The following FNDC3A variants were observed in gnomAD, a reference collection of about 807,000 sequenced individuals.
FNDC3A encodes fibronectin type-III domain-containing protein 3A.
Under a neutral mutation model 148.9 loss-of-function variants are expected in FNDC3A, and 32 were observed. That is an observed-to-expected ratio of 0.21 (90% CI 0.16 to 0.29). The LOEUF (loss-of-function observed/expected upper bound fraction) is 0.29. FNDC3A is among the 10% of genes least tolerant of loss of function. The pLI is 1.00. For synonymous variants in FNDC3A, 472 were observed against 473.6 expected, an observed-to-expected ratio of 1.00 and a Z score of 0.04; for missense variants, 1,191 against 1,452.8, an observed-to-expected ratio of 0.82 and a Z score of 2.93.
intron 14 of FNDC3A, among the ~76,000 whole-genome samples, chr13:49,185,410 T>A (rs919190704): frequency 3.3e-5 from 5 of 152,148 alleles, no homozygotes; most frequent in African/African-American, 1.2e-4. Context: ...GGGACTTCAC[T>A]CACTTTCAGG....
intron 10 of FNDC3A, among the ~76,000 whole-genome samples, chr13:49,169,514 G>A (rs116825327): frequency 0.011 from 1,619 of 152,128 alleles, 17 homozygotes; most frequent in African/African-American, 0.026. Context: ...GGCTATTAGC[G>A]CCCTTGATCT....
At chr13:49,163,528 T>C (rs183762773) in intron 8 of FNDC3A, among the ~76,000 whole-genome samples, 136 of 152,318 alleles carry the variant, frequency 8.9e-4, no homozygotes, top group Admixed American at 1.6e-3. Flanking sequence ...ATTTTCCAGG[T>C]ACCATCTTTC....
chr13:49,081,657 A>G (rs987927555), intron 3 of FNDC3A, among the ~76,000 whole-genome samples: 1 of 152,212 alleles, frequency 6.6e-6, no homozygotes, highest in African/African-American at 2.4e-5. Flanking sequence ...CCTACATCAT[A>G]TATAGTCTCT....
At chr13:49,179,372 C>T (rs546418587) in intron 14 of FNDC3A, among the ~76,000 whole-genome samples, 46 of 152,126 alleles carry the variant, frequency 3.0e-4, no homozygotes, top group Non-Finnish European at 5.4e-4. Context: ...CTACCATATT[C>T]TTCTCATATT....
intron 2 of FNDC3A, among the ~76,000 whole-genome samples, chr13:49,041,441 G>A (rs1299870608): frequency 1.3e-5 from 2 of 152,098 alleles, no homozygotes; most frequent in African/African-American, 4.8e-5. Context: ...ACTGATTGTT[G>A]AATGAATTAA....
intron 2 of FNDC3A, among the ~76,000 whole-genome samples, chr13:49,037,016 G>A (rs964380745): frequency 1.3e-5 from 2 of 152,152 alleles, no homozygotes; most frequent in African/African-American, 4.8e-5. Context: ...GATCAGTATA[G>A]GAAAATATGA....
rs750545896 is a variant in FNDC3A at position 49,097,315 on chromosome 13, TA to T, written c.176-17326del. 3.8e-3 allele frequency among the ~76,000 whole-genome samples: 538 copies of T among 140,780 alleles called. 1 individual carries two copies. Among genetic ancestry groups the T allele is most frequent in the African/African-American group, 8.0e-3 (308 of 38,648 alleles). 92.4% of individuals were successfully genotyped at this position (140,780 alleles called of 152,430 possible). Reference sequence around the variant, plus strand: ...ATATTTCTTTTAGATGATTAGCAGTTAAAAAAAAAAAAAACTTAGAATGAGG... The same window carrying T: ...ATATTTCTTTTAGATGATTAGCAGTTAAAAAAAAAAAAACTTAGAATGAGG... On this transcript the variant is annotated intron_variant, in intron 3 of 25. Coordinates refer to ENST00000492622, the MANE Select transcript of FNDC3A (RefSeq NM_001079673.2).
At chr13:48,985,555 T>G (rs956858862) in intron 1 of FNDC3A, among the ~76,000 whole-genome samples, 46 of 152,144 alleles carry the variant, frequency 3.0e-4, no homozygotes, top group Admixed American at 6.5e-5. Context: ...TAGATACTTA[T>G]GAAAAAACAT....
At chr13:49,148,708 C>T (rs1328175937) in intron 8 of FNDC3A, among the ~76,000 whole-genome samples, 1 of 152,072 alleles carries the variant, frequency 6.6e-6, no homozygotes, top group Non-Finnish European at 1.5e-5. Flanking sequence ...GTTCCATAGA[C>T]ATTTTTGGAT....
At chr13:49,149,762 G>A (rs1342902820) in intron 8 of FNDC3A, among the ~76,000 whole-genome samples, 3 of 152,196 alleles carry the variant, frequency 2.0e-5, no homozygotes, top group Non-Finnish European at 2.9e-5. Context: ...AGTTTGAGGA[G>A]AATTGGTGTT....
intron 2 of FNDC3A, among the ~76,000 whole-genome samples, chr13:49,039,227 T>G (rs964778683): frequency 1.3e-5 from 2 of 152,252 alleles, no homozygotes; most frequent in Non-Finnish European, 2.9e-5. Context: ...GTATAATTTA[T>G]GCATAGGTAT....
intron 3 of FNDC3A, among the ~76,000 whole-genome samples, chr13:49,087,147 T>G (rs1456113987): frequency 1.3e-5 from 2 of 152,092 alleles, no homozygotes; most frequent in African/African-American, 2.4e-5. Flanking sequence ...ACTGTTATAG[T>G]TAGTCTCTTG....
rs182935910 is a variant in FNDC3A, at chr13:48,985,176, A to G, written c.-40+8999A>G. Among the ~76,000 whole-genome samples, 36 of 152,342 alleles carry G rather than the reference A, an allele frequency of 2.4e-4. No individual in the cohort carries two copies. In the East Asian group the frequency reaches 4.0e-3, roughly 17 times the overall value. On this transcript the variant is annotated intron_variant, in intron 1 of 25. Transcript: ENST00000492622. ...GACAAAATTAATATTCAAGGTATATAAGGTGTACCTACAAATCAATATGAA... is the reference window on the plus strand; with the variant it reads ...GACAAAATTAATATTCAAGGTATATGAGGTGTACCTACAAATCAATATGAA...
chr13:49,145,872 T>C lies in FNDC3A; in HGVS notation c.914T>C (p.Leu305Pro), dbSNP rs1882965035. Residue 305 changes from leucine (L) to proline (P), a missense_variant, in exon 8 of 26, where the codon CTC becomes CCC. Coordinates refer to ENST00000492622, the MANE Select transcript of FNDC3A (RefSeq NM_001079673.2). ...GETDESSVPE[L>P]YGYEVLISST... ...ACAGATGAAAGTAGTGTACCAGAGC[T>C]CTATGGTTATGAAGTTCTGATCTCA... The C allele has an allele frequency of 6.2e-7, 1 of 1,612,530 alleles. No homozygotes were observed. Among genetic ancestry groups the C allele is most frequent in the African/African-American group, 1.3e-5 (1 of 74,878 alleles).
At chr13:49,124,888 T>C (rs1256933010) in intron 4 of FNDC3A, among the ~76,000 whole-genome samples, 1 of 152,230 alleles carries the variant, frequency 6.6e-6, no homozygotes, top group Non-Finnish European at 1.5e-5. Context: ...ACTTCCGCTA[T>C]TTCAGTGATA....
chr13:49,114,813 AAAAC>A (rs1169904783), intron 4 of FNDC3A, 82 bp downstream of exon 4: 1 of 981,220 alleles, frequency 1.0e-6, no homozygotes, highest in East Asian at 2.4e-5. Context: ...TTGATTTAAA[AAAAC>A]CATTTAATTA....
At chr13:49,043,741 A>AC (rs1315842643) in intron 2 of FNDC3A, among the ~76,000 whole-genome samples, 1 of 151,850 alleles carries the variant, frequency 6.6e-6, no homozygotes, top group African/African-American at 2.4e-5. Context: ...TATATTTACA[A>AC]CCCCCCATAA....
At chr13:48,984,491 A>G (rs769597771) in intron 1 of FNDC3A, among the ~76,000 whole-genome samples, 6 of 152,216 alleles carry the variant, frequency 3.9e-5, no homozygotes, top group Non-Finnish European at 7.3e-5. Flanking sequence ...GGAATAGAAT[A>G]ATAAATTCAG....
rs1310127048 is a variant in FNDC3A, at chr13:49,209,269, T to G, written c.*1874T>G. 11 of 152,612 alleles carry G rather than the reference T, an allele frequency of 7.2e-5. No individual in the cohort carries two copies. 9.5% of individuals were successfully genotyped at this position (152,612 alleles called of 1,614,324 possible). A position where few individuals can be genotyped will look rare whatever the true frequency, so the allele number is the denominator to read the frequency against. ...TGTGTCAAGTTACAGTGGCTTATGT[T>G]TTTCATAGTAATTCAAATGAACTTC... On this transcript the variant is annotated 3_prime_UTR_variant, in exon 26 of 26. Transcript: ENST00000492622.
Sources: gnomAD v4.1 joint callset for allele counts (sites outside exome capture counted in the v4.1 genomes callset) on GRCh38, gnomAD v4.1.1 for gene constraint, MANE v1.5 for transcripts, NCBI Gene and HGNC (gene_info 2026-07-23, HGNC 2026-07-21) for gene names.